The following OR7D2 variants were observed in gnomAD, a reference collection of about 807,000 sequenced individuals.
The protein encoded by OR7D2 is olfactory receptor 7D2.
For missense variants in OR7D2, 370 were observed against 384.1 expected (o/e 0.96, Z 0.31); for synonymous variants, 158 against 158.7 (o/e 1.00, Z 0.03).
chr19:9,186,330 C>T lies in OR7D2; in HGVS notation c.549C>T (p.Tyr183=). 2 of 1,614,040 alleles carry T rather than the reference C, an allele frequency of 1.2e-6. No individual in the cohort carries two copies. Among genetic ancestry groups the T allele is most frequent in the Non-Finnish European group, 8.5e-7 (1 of 1,179,954 alleles). ...CACATTTTTTCTGCGAACTGACGTA[C>T]ATCCTCCAGCTGGCCTGCTCTGATA... The part of the protein sequence containing the change: ...EIPHFFCELT[Y]ILQLACSDTF... The change falls in exon 3 of 3, where the codon TAC becomes TAT. Residue 183 remains tyrosine (Y), a synonymous_variant. Transcript: ENST00000641288.
Position 9,185,895 on chromosome 19 carries a change from G to T in OR7D2, c.114G>T (p.Thr38=). The change falls in exon 3 of 3, where the codon ACG becomes ACT. Residue 38 remains threonine, a synonymous_variant. Coordinates refer to ENST00000641288, the MANE Select transcript of OR7D2 (RefSeq NM_175883.4). ...FGLFLSMYLV[T]VLGNLLIILA... is the part of the protein sequence containing the mutation. ...TGTTCCTGTCCATGTACCTGGTGAC[G>T]GTGCTGGGAAACCTGCTCATCATCC... 1 of 1,613,920 alleles carries T rather than the reference G, an allele frequency of 6.2e-7. No individual in the cohort carries two copies. Among genetic ancestry groups the T allele is most frequent in the East Asian group, 2.2e-5 (1 of 44,890 alleles).
chr19:9,185,177 T>C (rs1433713656), intron 2 of OR7D2, among the ~76,000 whole-genome samples: 1 of 152,208 alleles, frequency 6.6e-6, no homozygotes, highest in African/African-American at 2.4e-5. Context: ...CAGTAGACTG[T>C]AGCTGTTCTT....
chr19:9,186,145 C>A lies in OR7D2; in HGVS notation c.364C>A (p.Arg122=), dbSNP rs150499443. The A allele has an allele frequency of 4.3e-6, 7 of 1,614,030 alleles. No homozygotes were observed. Among genetic ancestry groups the A allele is most frequent in the Non-Finnish European group, 5.9e-6 (7 of 1,179,994 alleles). Residue 122 remains arginine, a synonymous_variant, in exon 3 of 3, where the codon CGG becomes AGG. Coordinates refer to ENST00000641288, the MANE Select transcript of OR7D2 (RefSeq NM_175883.4). The stretch of plus-strand genomic sequence containing the variant: ...ACTCCTGACCGTGATGGCCTATGAC[C>A]GGTTTGTGGCTGTCTGCCACCCTCT... The part of the protein sequence containing the change: ...TLLLTVMAYD[R]FVAVCHPLHY...
Position 9,186,237 on chromosome 19 carries a change from T to C in OR7D2, c.456T>C (p.Gly152=), listed in dbSNP as rs1383530260. 2.5e-6 allele frequency: 4 copies of C among 1,614,134 alleles called. No individual in the cohort carries two copies. The highest frequency in any genetic ancestry group is 3.4e-6 in the Non-Finnish European group (4 of 1,180,016). ...TGGTTTTTGTCACCTGGCTCATTGG[T>C]GTCATGACATCCCTCCTCCATATTT... is the stretch of plus-strand genomic sequence containing the variant. ...GLLVFVTWLI[G]VMTSLLHISL... The change falls in exon 3 of 3, where the codon GGT becomes GGC. Residue 152 remains glycine (G), a synonymous_variant. Transcript: ENST00000641288.
rs1291694956 is a variant in OR7D2 at position 9,187,738 on chromosome 19, T to A, written c.*1018T>A. ...CCCACTTATAACTGAGAACATACGA[T>A]ATGTTCATATGGATCTTATGTATGT... On this transcript the variant is annotated 3_prime_UTR_variant, in exon 3 of 3. Coordinates refer to ENST00000641288, the MANE Select transcript of OR7D2 (RefSeq NM_175883.4). The A allele has an allele frequency of 6.0e-6, 1 of 166,992 alleles. No homozygotes were observed. Among genetic ancestry groups the A allele is most frequent in the African/African-American group, 2.4e-5 (1 of 41,452 alleles). 10.3% of individuals were successfully genotyped at this position (166,992 alleles called of 1,614,324 possible).
At chr19:9,184,637 G>C (rs2051016798) in intron 2 of OR7D2, among the ~76,000 whole-genome samples, 1 of 152,082 alleles carries the variant, frequency 6.6e-6, no homozygotes, top group Non-Finnish European at 1.5e-5. Flanking sequence ...CAAAAGTCAA[G>C]ATATGGAAAC....
In OR7D2 at chr19:9,188,727, T is replaced by G. The variant is rs1290577867; in HGVS notation, c.*2007T>G. The G allele has an allele frequency of 1.8e-5, 3 of 167,138 alleles. No homozygotes were observed. Among genetic ancestry groups the G allele is most frequent in the African/African-American group, 4.8e-5 (2 of 41,470 alleles). The allele number at this position is 167,138 out of a possible 1,614,324, so 10.4% of individuals were successfully genotyped here. A position where few individuals can be genotyped will look rare whatever the true frequency, so the allele number is the denominator to read the frequency against. On this transcript the variant is annotated 3_prime_UTR_variant, in exon 3 of 3. Transcript: ENST00000641288. ...TTTCTATGTGTTTGCATGTGGGTTTTTGTTGTTTGTGTGTTCGATCATGAA... is the reference window on the plus strand; with the variant it reads ...TTTCTATGTGTTTGCATGTGGGTTTGTGTTGTTTGTGTGTTCGATCATGAA...
Position 9,185,915 on chromosome 19 carries a change from T to G in OR7D2, c.134T>G (p.Ile45Ser), listed in dbSNP as rs1419790025. The G allele has an allele frequency of 6.2e-7, 1 of 1,614,088 alleles. No individual in the cohort carries two copies. The highest frequency in any genetic ancestry group is 1.7e-5 in the Admixed American group (1 of 59,996). Reference protein sequence around the residue: ...YLVTVLGNLLIILAISSDSHL... With the variant: ...YLVTVLGNLLSILAISSDSHL... The stretch of plus-strand genomic sequence containing the variant: ...GTGACGGTGCTGGGAAACCTGCTCA[T>G]CATCCTGGCCATCAGCTCTGACTCC... Residue 45 changes from isoleucine (I) to serine (S), a missense_variant, in exon 3 of 3, where the codon ATC (isoleucine) becomes AGC (serine). Ile to Ser is a moderately radical substitution (Grantham distance 142, BLOSUM62 -2). Transcript: ENST00000641288.
chr19:9,179,464 C>G (rs895183948), intron 1 of OR7D2, among the ~76,000 whole-genome samples: 10 of 151,294 alleles, frequency 6.6e-5, no homozygotes, highest in South Asian at 4.2e-4. Context: ...GGCTTGAACC[C>G]GGGAGACAGA....
rs560071725 is a variant in OR7D2 at position 9,186,819 on chromosome 19, T to C, written c.*99T>C. On this transcript the variant is annotated 3_prime_UTR_variant, in exon 3 of 3. Transcript: ENST00000641288. ...CTCTTTAAAATTAAAAACATTTTTT[T>C]ATACTTTGAGAGTACAAATGCAGAT... 1 of 864,892 alleles carries C rather than the reference T, an allele frequency of 1.2e-6. No individual in the cohort carries two copies. The highest frequency in any genetic ancestry group is 2.1e-5 in the South Asian group (1 of 48,192). 53.6% of individuals were successfully genotyped at this position (864,892 alleles called of 1,614,324 possible).
At chr19:9,181,227 G>T (rs2050987353) in intron 2 of OR7D2, among the ~76,000 whole-genome samples, 1 of 149,160 alleles carries the variant, frequency 6.7e-6, no homozygotes, top group Admixed American at 6.7e-5. Flanking sequence ...TACACTATTT[G>T]CTATATACTA....
At chr19:9,185,383 G>A (rs998682128) in intron 2 of OR7D2, among the ~76,000 whole-genome samples, 3 of 151,440 alleles carry the variant, frequency 2.0e-5, no homozygotes, top group Admixed American at 6.6e-5. Context: ...TTCCATTTAC[G>A]TATGAAAGAT....
chr19:9,182,447 G>C, intron 2 of OR7D2: 1 of 322,982 alleles, frequency 3.1e-6, no homozygotes, highest in Admixed American at 4.6e-5. Context: ...TCTCGGTGGA[G>C]CTGTTAGCGT....
At position 9,186,523 on chromosome 19, in the gene OR7D2, G is replaced by T. The variant is rs761644862; in HGVS notation, c.742G>T (p.Val248Phe). 1 of 1,613,772 alleles carries T rather than the reference G, an allele frequency of 6.2e-7. No individual in the cohort carries two copies. Among genetic ancestry groups the T allele is most frequent in the East Asian group, 2.2e-5 (1 of 44,866 alleles). Residue 248 changes from valine to phenylalanine, a missense_variant, in exon 3 of 3, where the codon GTT (valine) becomes TTT (phenylalanine). Coordinates refer to ENST00000641288, the MANE Select transcript of OR7D2 (RefSeq NM_175883.4). ...CACCTGTGGGTCTCACCTCTCCGTC[G>T]TTTCTTTATTTTATGGGACAGGCAT... Reference protein sequence around the residue: ...LSTCGSHLSVVSLFYGTGIGV... With the variant: ...LSTCGSHLSVFSLFYGTGIGV...
chr19:9,179,643 T>C (rs2050976822), intron 1 of OR7D2, among the ~76,000 whole-genome samples: 1 of 152,212 alleles, frequency 6.6e-6, no homozygotes, highest in Non-Finnish European at 1.5e-5. Flanking sequence ...CAGTAGGAAC[T>C]GGCACTTCCT....
intron 1 of OR7D2, among the ~76,000 whole-genome samples, 186 bp from the exon 2 acceptor site, chr19:9,180,511 GC>G (rs2050982338): frequency 6.6e-6 from 1 of 152,044 alleles, no homozygotes; most frequent in African/African-American, 2.4e-5. Context: ...TATCTGACTT[GC>G]CGATATTAAA....
In OR7D2 at chr19:9,186,931, T is replaced by C; in HGVS notation, c.*211T>C. ...AGTGAACATAAGGCACTTTTTTTTCTTTTTTGAGACGGAGTCTCACTCTGT... is the reference window on the plus strand; with the variant it reads ...AGTGAACATAAGGCACTTTTTTTTCCTTTTTGAGACGGAGTCTCACTCTGT... On this transcript the variant is annotated 3_prime_UTR_variant, in exon 3 of 3. Coordinates refer to ENST00000641288, the MANE Select transcript of OR7D2 (RefSeq NM_175883.4). 7.5e-6 allele frequency: 3 copies of C among 397,482 alleles called. No homozygotes were observed. Among genetic ancestry groups the C allele is most frequent in the Non-Finnish European group, 1.3e-5 (3 of 233,992 alleles). 24.6% of individuals were successfully genotyped at this position (397,482 alleles called of 1,614,324 possible). A position where few individuals can be genotyped will look rare whatever the true frequency, so the allele number is the denominator to read the frequency against.
At chr19:9,180,602 C>T (rs2050982925) in intron 1 of OR7D2, 96 bp from the exon 2 acceptor site, 1 of 151,716 alleles carries the variant, frequency 6.6e-6, no homozygotes. Context: ...TTTCACTCCC[C>T]TTTCAGGCTT....
chr19:9,185,737 C>T (rs1302921646), intron 2 of OR7D2, 32 bp from the exon 3 acceptor site: 2 of 1,385,340 alleles, frequency 1.4e-6, no homozygotes, highest in Non-Finnish European at 9.9e-7. Context: ...GTGTCCACCA[C>T]CATGCCTGGC....
Sources: allele counts gnomAD v4.1 joint callset (sites outside exome capture counted in the v4.1 genomes callset), GRCh38; gene constraint gnomAD v4.1.1; transcripts MANE v1.5; gene names NCBI Gene and HGNC (gene_info 2026-07-23, HGNC 2026-07-21).